The following NFIB variants were observed in gnomAD, a reference collection of about 807,000 sequenced individuals.
The protein encoded by NFIB is nuclear factor I B, also known as nuclear factor 1 B-type.
Under a neutral mutation model 61.5 loss-of-function variants are expected in NFIB, and 11 were observed. The observed-to-expected ratio is 0.18, with a 90% CI of 0.11 to 0.30. The LOEUF (loss-of-function observed/expected upper bound fraction) is 0.30. NFIB is among the 10% of genes least tolerant of loss of function. NFIB has a pLI of 1.00. For missense variants in NFIB, 471 were observed against 608.9 expected (o/e 0.77, Z 2.38); for synonymous variants, 260 against 216.5 (o/e 1.20, Z -1.76).
At chr9:14,356,773 T>G (rs1409206407) in intron 1 of NFIB, among the ~76,000 whole-genome samples, 1 of 152,112 alleles carries the variant, frequency 6.6e-6, no homozygotes, top group African/African-American at 2.4e-5. Flanking sequence ...AATGATACAC[T>G]TCAGTTTTAT....
intron 10 of NFIB, among the ~76,000 whole-genome samples, chr9:14,092,172 C>G (rs746907239): frequency 1.3e-5 from 2 of 152,056 alleles, no homozygotes; most frequent in African/African-American, 2.4e-5. Context: ...TATTGAAAAA[C>G]TCACCAAATT....
intron 3 of NFIB, among the ~76,000 whole-genome samples, chr9:14,177,349 A>C (rs2046300435): frequency 6.6e-6 from 1 of 151,946 alleles, no homozygotes; most frequent in African/African-American, 2.4e-5. Context: ...AAAAACCTTA[A>C]TAAGTTCTAG....
chr9:14,238,228 G>C (rs1185841071), intron 2 of NFIB, among the ~76,000 whole-genome samples: 1 of 152,060 alleles, frequency 6.6e-6, no homozygotes, highest in Non-Finnish European at 1.5e-5. Context: ...AGGCTCAGCT[G>C]TACTGGAGGG....
chr9:14,483,142 G>A, the NFIB span, among the ~76,000 whole-genome samples: 7 of 152,122 alleles, frequency 4.6e-5, no homozygotes, highest in African/African-American at 1.7e-4. Flanking sequence ...AAAAGAAACA[G>A]AACTGTATGT....
rs1199531632 is a variant in NFIB, at chr9:14,143,344, T to TACA, written c.925+3344_925+3345insTGT. Among the ~76,000 whole-genome samples, 115 of 152,272 alleles carry TACA rather than the reference T, an allele frequency of 7.6e-4. No homozygotes were observed. In the Middle Eastern group the frequency reaches 0.017, roughly 23 times the overall value. On this transcript the variant is annotated intron_variant, in intron 6 of 10. Transcript: ENST00000380953. ...TTTAAGAACAGAATACATATAATAA[T>TACA]TTGGTCATATTATATCCTTTATTTT...
At chr9:14,421,025 G>A in the NFIB span, among the ~76,000 whole-genome samples, 1 of 143,572 alleles carries the variant, frequency 7.0e-6, no homozygotes, top group Non-Finnish European at 1.5e-5. Context: ...TTCACATCCT[G>A]CCTTCAACTA....
intron 2 of NFIB, among the ~76,000 whole-genome samples, chr9:14,194,049 A>G (rs112642705): frequency 2.6e-5 from 4 of 152,258 alleles, no homozygotes; most frequent in East Asian, 1.9e-4. Context: ...CAAACATCAT[A>G]CAGAGATCAT....
At chr9:14,372,994 T>G (rs1367105866) in intron 1 of NFIB, among the ~76,000 whole-genome samples, 1 of 146,100 alleles carries the variant, frequency 6.8e-6, no homozygotes, top group Non-Finnish European at 1.5e-5. Flanking sequence ...TGGTGGGGGG[T>G]GGGGACTGAT....
chr9:14,376,236 C>A (rs556342920), intron 1 of NFIB, among the ~76,000 whole-genome samples: 3 of 152,234 alleles, frequency 2.0e-5, no homozygotes, highest in South Asian at 2.1e-4. Context: ...AGCTATGGAA[C>A]TTTTTGTGTG....
upstream of NFIB, among the ~76,000 whole-genome samples, chr9:14,399,566 G>T (rs938205530): frequency 6.6e-6 from 1 of 151,990 alleles, no homozygotes; most frequent in African/African-American, 2.4e-5. Context: ...AATTTTTAAC[G>T]TTGCAAAGAA....
intron 2 of NFIB, among the ~76,000 whole-genome samples, chr9:14,236,455 G>C (rs1454977729): frequency 6.6e-6 from 1 of 152,090 alleles, no homozygotes; most frequent in East Asian, 1.9e-4. Context: ...ATGCCCTAGA[G>C]TCCACGGGTG....
At chr9:14,472,104 C>T in the NFIB span, among the ~76,000 whole-genome samples, 1 of 152,166 alleles carries the variant, frequency 6.6e-6, no homozygotes, top group Non-Finnish European at 1.5e-5. Flanking sequence ...TTGTCTTGGT[C>T]AATGGATTAC....
intron 2 of NFIB, among the ~76,000 whole-genome samples, chr9:14,206,623 G>T (rs1185845591): frequency 1.5e-5 from 2 of 134,960 alleles, no homozygotes; most frequent in Non-Finnish European, 3.0e-5. Context: ...AATGTTGATT[G>T]ACCATCTAGT....
intron 2 of NFIB, among the ~76,000 whole-genome samples, chr9:14,214,850 C>T (rs893647864): frequency 3.3e-5 from 5 of 152,178 alleles, no homozygotes; most frequent in South Asian, 2.1e-4. Flanking sequence ...GAAGGAGGCA[C>T]ACACAGTGCA....
chr9:14,491,784 T>A, the NFIB span, among the ~76,000 whole-genome samples: 1 of 152,206 alleles, frequency 6.6e-6, no homozygotes, highest in Admixed American at 6.5e-5. Context: ...CGATGAGATG[T>A]GGCTTCTATT....
chr9:14,224,842 G>A (rs769358749), intron 2 of NFIB, among the ~76,000 whole-genome samples: 1 of 152,174 alleles, frequency 6.6e-6, no homozygotes, highest in Non-Finnish European at 1.5e-5. Flanking sequence ...TAGGAATACA[G>A]TATCTTCCCT....
the NFIB span, among the ~76,000 whole-genome samples, chr9:14,435,495 G>A: frequency 1.3e-5 from 2 of 152,150 alleles, no homozygotes; most frequent in African/African-American, 4.8e-5. Context: ...ATTAAGTGGA[G>A]ATAAAAATAG....
Position 14,085,939 on chromosome 9 carries a change from G to T in NFIB, c.*2370C>A, listed in dbSNP as rs1290553545. The T allele has an allele frequency of 4.4e-6, 1 of 228,592 alleles. No individual in the cohort carries two copies. Among genetic ancestry groups the T allele is most frequent in the Non-Finnish European group, 8.7e-6 (1 of 115,084 alleles). 14.2% of individuals were successfully genotyped at this position (228,592 alleles called of 1,614,324 possible). ...CAACAAATATTTTTGCCAAATATGA[G>T]ACAGGCTCACTCTCCACTGTGGATC... On this transcript the variant is annotated 3_prime_UTR_variant, in exon 11 of 11. Transcript: ENST00000380953.
intron 2 of NFIB, among the ~76,000 whole-genome samples, chr9:14,236,850 TA>T (rs74393926): frequency 0.11 from 16,465 of 144,840 alleles, 1,056 homozygotes; most frequent in South Asian, 0.19. Context: ...GGCTTCTCTT[TA>T]AAAAAAAAAA....
Sources: gnomAD v4.1 joint callset for allele counts (sites outside exome capture counted in the v4.1 genomes callset) on GRCh38, gnomAD v4.1.1 for gene constraint, MANE v1.5 for transcripts, NCBI Gene and HGNC (gene_info 2026-07-23, HGNC 2026-07-21) for gene names.